Variants in PLCD3 observed in about 807,000 individuals in gnomAD.
The protein encoded by PLCD3 is phospholipase C delta 3.
In PLCD3, 62 loss-of-function variants were observed where a neutral mutation model predicts 82.8. The ratio of observed to expected loss-of-function variants is 0.75; its 90% CI spans 0.61 to 0.93. PLCD3 has a LOEUF of 0.93. PLCD3 is among the 40% of genes least tolerant of loss of function. PLCD3 has a pLI of 0.00. For synonymous variants in PLCD3, 478 were observed against 471.8 expected (o/e 1.01, Z -0.17); for missense variants, 1,023 against 1,103.4 (o/e 0.93, Z 1.03).
rs987095852 is a variant in PLCD3, at chr17:45,118,040, A to T, written c.1214T>A (p.Ile405Asn). The change falls in exon 7 of 15, where the codon ATT becomes AAT. Residue 405 changes from isoleucine (I) to asparagine (N), a missense_variant. Around this residue, in one of 3 missense-constraint regions of PLCD3, gnomAD observed 553 missense variants for 655.7 expected, o/e 0.84. Transcript: ENST00000619929. The surrounding 1 kb of genome is among the most constrained non-coding windows in gnomAD (Gnocchi z 4.1). ...IYHGHTLTSK[I>N]LFRDVVQAVR... ...GGCTTGGACCACGTCCCGGAAGAGA[A>T]TCTTGGAGGTGAGGGTATGGCCATG... is the stretch of plus-strand genomic sequence containing the variant. 1 of 1,613,664 alleles carries T rather than the reference A, an allele frequency of 6.2e-7. No individual in the cohort carries two copies. Among genetic ancestry groups the T allele is most frequent in the Non-Finnish European group, 8.5e-7 (1 of 1,179,814 alleles).
rs1220696372 is a variant in PLCD3, at chr17:45,115,262, G to A, written c.1561-18C>T. 1.3e-6 allele frequency: 2 copies of A among 1,542,448 alleles called. No homozygotes were observed. The highest frequency in any genetic ancestry group is 1.9e-5 in the Admixed American group (1 of 52,650). On this transcript the variant is annotated intron_variant, in intron 9 of 14. Coordinates refer to ENST00000619929, the MANE Select transcript of PLCD3 (RefSeq NM_133373.5). ...TGCTTGGCCTAGGAGACCAGGCTCA[G>A]CGGGGTTCAGCTGGCCCCCGCTTCC...
intron 7 of PLCD3, among the ~76,000 whole-genome samples, chr17:45,117,282 C>T (rs1486705961): frequency 6.6e-6 from 1 of 152,054 alleles, no homozygotes; most frequent in Non-Finnish European, 1.5e-5. Flanking sequence ...TGGTCTCTCT[C>T]CATCACCCAG....
Position 45,118,245 on chromosome 17 carries a change from C to T in PLCD3, c.1115+46G>A. The stretch of plus-strand genomic sequence containing the variant: ...GGCCCCAGGAAGCCAGCCCATGTCT[C>T]TCCCCAGGTGGGGCTCCCGGAAACA... On this transcript the variant is annotated intron_variant, in intron 6 of 14. Transcript: ENST00000619929. This position sits in a 1 kb window ranked among gnomAD's most constrained non-coding sequence, Gnocchi z 4.1. 1.2e-6 allele frequency: 2 copies of T among 1,612,396 alleles called. No individual in the cohort carries two copies. The highest frequency in any genetic ancestry group is 1.7e-5 in the Admixed American group (1 of 59,970).
Position 45,117,981 on chromosome 17 carries a change from C to G in PLCD3, c.1260+13G>C, listed in dbSNP as rs1430184984. On this transcript the variant is annotated intron_variant, in intron 7 of 14. Coordinates refer to ENST00000619929, the MANE Select transcript of PLCD3 (RefSeq NM_133373.5). ...AGGCTGTGGGGCTGGGGCTGGGCAT[C>G]CCAGGGGCTCACCGTGAAGGCATGG... The G allele has an allele frequency of 6.2e-7, 1 of 1,612,504 alleles. No homozygotes were observed. Among genetic ancestry groups the G allele is most frequent in the South Asian group, 1.1e-5 (1 of 90,772 alleles).
In PLCD3 at chr17:45,110,081, A is replaced by C. The variant is rs1432095920; in HGVS notation, c.*2535T>G. ...CGACAGAGCGAGACTCCATCTCAAAAAAACAAACAAAAAAAAAACCCTGTG... is the reference window on the plus strand; with the variant it reads ...CGACAGAGCGAGACTCCATCTCAAACAAACAAACAAAAAAAAAACCCTGTG... On this transcript the variant is annotated 3_prime_UTR_variant, in exon 15 of 15. Transcript: ENST00000619929. 4 of 151,844 alleles carry C rather than the reference A, an allele frequency of 2.6e-5. No homozygotes were observed. Among genetic ancestry groups the C allele is most frequent in the Admixed American group, 1.3e-4 (2 of 15,220 alleles). 9.4% of individuals were successfully genotyped at this position (151,844 alleles called of 1,614,324 possible).
intron 1 of PLCD3, among the ~76,000 whole-genome samples, chr17:45,125,773 C>G (rs2054377018): frequency 6.6e-6 from 1 of 152,166 alleles, no homozygotes; most frequent in South Asian, 2.1e-4. Context: ...AAGCCAGACC[C>G]CAAACGACAA....
chr17:45,114,856 C>A (rs1369006734), intron 10 of PLCD3, among the ~76,000 whole-genome samples: 2 of 152,116 alleles, frequency 1.3e-5, no homozygotes, highest in African/African-American at 4.8e-5. Context: ...TGACCCATCA[C>A]CCTCTATGGC....
chr17:45,128,754 A>T (rs2054399747), intron 1 of PLCD3, among the ~76,000 whole-genome samples: 1 of 152,244 alleles, frequency 6.6e-6, no homozygotes, highest in Non-Finnish European at 1.5e-5. Context: ...TGAAATTCAG[A>T]TAAAGAATAA....
In PLCD3 at chr17:45,112,575, G is replaced by A. The variant is rs2054252058; in HGVS notation, c.*41C>T. 6.5e-7 allele frequency: 1 copy of A among 1,531,130 alleles called. No homozygotes were observed. The highest frequency in any genetic ancestry group is 8.9e-7 in the Non-Finnish European group (1 of 1,125,344). 94.8% of individuals were successfully genotyped at this position (1,531,130 alleles called of 1,614,324 possible). On this transcript the variant is annotated 3_prime_UTR_variant, in exon 15 of 15. Coordinates refer to ENST00000619929, the MANE Select transcript of PLCD3 (RefSeq NM_133373.5). Reference sequence around the variant, plus strand: ...AGGAGAGGGCTCTGCAGGGGATGTGGACTGGCACTCGCAGAACCCCAAGGC... The same window carrying A: ...AGGAGAGGGCTCTGCAGGGGATGTGAACTGGCACTCGCAGAACCCCAAGGC...
chr17:45,119,869 C>A (rs751854040), intron 4 of PLCD3, among the ~76,000 whole-genome samples: 9 of 152,230 alleles, frequency 5.9e-5, no homozygotes, highest in Non-Finnish European at 1.2e-4. Context: ...TCCAGCTGGG[C>A]CATAGCTGCA....
At chr17:45,127,574 C>T (rs999247853) in intron 1 of PLCD3, among the ~76,000 whole-genome samples, 2 of 152,184 alleles carry the variant, frequency 1.3e-5, no homozygotes, top group Non-Finnish European at 1.5e-5. Context: ...AGGACAAGCC[C>T]TGTGTGCTGA....
At position 45,120,944 on chromosome 17, in the gene PLCD3, C is replaced by A; in HGVS notation, c.512G>T (p.Arg171Leu). Residue 171 changes from arginine (R) to leucine (L), a missense_variant, in exon 3 of 15, where the codon CGC becomes CTC. Around this residue, in one of 3 missense-constraint regions of PLCD3, gnomAD observed 448 missense variants for 406.3 expected, o/e 1.10. Coordinates refer to ENST00000619929, the MANE Select transcript of PLCD3 (RefSeq NM_133373.5). ...CTGGCTCATGGCGTCCAGGCGCGCG[C>A]GGAGCTTGGTCAGACCGCGCACCCA... ...QRWVRGLTKL[R>L]ARLDAMSQRE... The A allele has an allele frequency of 6.7e-7, 1 of 1,487,908 alleles. No homozygotes were observed. Among genetic ancestry groups the A allele is most frequent in the African/African-American group, 1.4e-5 (1 of 69,488 alleles). The allele number at this position is 1,487,908 out of a possible 1,614,324, so 92.2% of individuals were successfully genotyped here. A position where few individuals can be genotyped will look rare whatever the true frequency, so the allele number is the denominator to read the frequency against.
intron 1 of PLCD3, among the ~76,000 whole-genome samples, chr17:45,124,909 G>A (rs904193432): frequency 3.3e-5 from 5 of 152,248 alleles, no homozygotes; most frequent in East Asian, 1.9e-4. Context: ...GAAACAACCC[G>A]AGTGCTCATC....
chr17:45,127,794 ATG>A lies in PLCD3; in HGVS notation c.163+4452_163+4453del, dbSNP rs1196590329. On this transcript the variant is annotated intron_variant, in intron 1 of 14. Transcript: ENST00000619929. ...AGTGTGTGTGTATGAGTGTGAGTGA[ATG>A]TGTGTGAGTGTGTGCGTGTGAGTGT... Among the ~76,000 whole-genome samples the A allele has an allele frequency of 3.5e-5, 4 of 114,912 alleles. No homozygotes were observed. In the South Asian group the frequency reaches 9.5e-4, roughly 27 times the overall value. 75.4% of individuals were successfully genotyped at this position (114,912 alleles called of 152,430 possible).
At chr17:45,114,950 G>A (rs996102979) in intron 10 of PLCD3, 144 bp downstream of exon 10, 42 of 1,218,948 alleles carry the variant, frequency 3.4e-5, no homozygotes, top group Non-Finnish European at 4.3e-5. Context: ...CATGTGCGGG[G>A]CCCTCATTCC....
rs746526798 is a variant in PLCD3, at chr17:45,121,368, C to T, written c.168G>A (p.Leu56=). Residue 56 remains leucine, a synonymous_variant, in exon 2 of 15, where the codon CTG becomes CTA. Coordinates refer to ENST00000619929, the MANE Select transcript of PLCD3 (RefSeq NM_133373.5). ...TGGCGCGCACGTCCTCGTCCTCCGT[C>T]AGGCCTGGCGGGGCGGGAGGACCCG... The part of the protein sequence containing the change: ...PGLRALKKMG[L]TEDEDVRAML... The T allele has an allele frequency of 2.7e-5, 41 of 1,517,930 alleles. No homozygotes were observed. In the Admixed American group the frequency reaches 7.9e-4, roughly 29 times the overall value. 94.0% of individuals were successfully genotyped at this position (1,517,930 alleles called of 1,614,324 possible).
At chr17:45,115,777 G>A (rs1296705280) in intron 8 of PLCD3, among the ~76,000 whole-genome samples, 3 of 152,222 alleles carry the variant, frequency 2.0e-5, no homozygotes, top group Admixed American at 6.5e-5. Flanking sequence ...CTTCAAAGAA[G>A]ATCTTACGTG....
At position 45,121,120 on chromosome 17, in the gene PLCD3, C is replaced by G. The variant is rs1450691066; in HGVS notation, c.336G>C (p.Gln112His). 1 of 1,526,884 alleles carries G rather than the reference C, an allele frequency of 6.5e-7. No homozygotes were observed. Among genetic ancestry groups the G allele is most frequent in the Admixed American group, 2.0e-5 (1 of 49,602 alleles). The allele number at this position is 1,526,884 out of a possible 1,614,324, so 94.6% of individuals were successfully genotyped here. A position where few individuals can be genotyped will look rare whatever the true frequency, so the allele number is the denominator to read the frequency against. The stretch of plus-strand genomic sequence containing the variant: ...GGCCCTCGCGGACCGCCTCGATGTG[C>G]TGCACGAAGACTGAGAGGAGGGCCG... The part of the protein sequence containing the change: ...RAPSQHIFFV[Q>H]HIEAVREGHQ... The change falls in exon 3 of 15, where the codon CAG becomes CAC. Residue 112 changes from glutamine (Q) to histidine (H), a missense_variant. Physicochemically the swap from Gln to His is conservative, Grantham distance 24. Coordinates refer to ENST00000619929, the MANE Select transcript of PLCD3 (RefSeq NM_133373.5).
chr17:45,116,511 G>C, intron 8 of PLCD3, 121 bp downstream of exon 8: 1 of 1,108,516 alleles, frequency 9.0e-7, no homozygotes, highest in African/African-American at 1.6e-5. Flanking sequence ...CAGAGGAACA[G>C]AGAAAAGTTA....
Sources: allele counts gnomAD v4.1 joint callset (sites outside exome capture counted in the v4.1 genomes callset), GRCh38; gene constraint gnomAD v4.1.1; regional missense constraint gnomAD v4.1.1; non-coding constraint Gnocchi (gnomAD v3.1); transcripts MANE v1.5; gene names NCBI Gene and HGNC (gene_info 2026-07-23, HGNC 2026-07-21).